The following CACNA1E variants were observed in gnomAD, a reference collection of about 807,000 sequenced individuals.
CACNA1E encodes the protein calcium voltage-gated channel subunit alpha1 E.
In CACNA1E, 40 loss-of-function variants were observed where a neutral mutation model predicts 259.2. The ratio of observed to expected loss-of-function variants is 0.15; its 90% CI spans 0.12 to 0.20. CACNA1E has a LOEUF of 0.20. Ranked by LOEUF, CACNA1E falls within the 10% of genes least tolerant of loss-of-function variation. The pLI is 1.00. For synonymous variants in CACNA1E, 1,104 were observed against 1,138.5 expected (o/e 0.97, Z 0.61); for missense variants, 1,874 against 3,040.1 (o/e 0.62, Z 9.02).
intron 35 of CACNA1E, among the ~76,000 whole-genome samples, chr1:181,768,800 A>G (rs1659241091): frequency 6.6e-6 from 1 of 152,236 alleles, no homozygotes; most frequent in Non-Finnish European, 1.5e-5. Context: ...ACCAAGCACA[A>G]AGCAGACACC....
intron 1 of CACNA1E, among the ~76,000 whole-genome samples, chr1:181,484,930 C>T (rs1032402636): frequency 2.0e-5 from 3 of 152,224 alleles, no homozygotes; most frequent in African/African-American, 7.2e-5. Context: ...TCAGGGTGAA[C>T]AGGCATGGAA....
chr1:181,561,195 G>A (rs542802913), intron 3 of CACNA1E, among the ~76,000 whole-genome samples: 37 of 152,182 alleles, frequency 2.4e-4, no homozygotes, highest in Middle Eastern at 3.4e-3. Flanking sequence ...ACTTAATGCC[G>A]CAGAACTCTA....
chr1:181,687,705 G>C (rs180756868), intron 7 of CACNA1E, among the ~76,000 whole-genome samples: 4 of 152,100 alleles, frequency 2.6e-5, no homozygotes, highest in African/African-American at 9.7e-5. Context: ...TAGGGTCATT[G>C]TATTCATCTA....
intron 7 of CACNA1E, among the ~76,000 whole-genome samples, chr1:181,692,997 G>A (rs1407846049): frequency 6.6e-6 from 1 of 151,764 alleles, no homozygotes; most frequent in African/African-American, 2.4e-5. Flanking sequence ...GACATGAAAA[G>A]CACTTTTTAA....
In CACNA1E at chr1:181,343,301, G is replaced by A. The variant is rs1007357618; in HGVS notation, c.-15+25178G>A. On this transcript the variant is annotated intron_variant, in intron 1 of 11. Transcript: ENST00000524607. ...ATGTTGCCATGTGACCTCCGGTGCT[G>A]GAGGTGGGCGTAGGGGGAGATGTTT... 4.1e-4 allele frequency among the ~76,000 whole-genome samples: 63 copies of A among 152,150 alleles called. 2 individuals are homozygous for A. Among genetic ancestry groups the A allele is most frequent in the African/African-American group, 1.4e-3 (59 of 41,424 alleles).
Position 181,634,418 on chromosome 1 carries a change from G to A in CACNA1E, c.952-16920G>A, listed in dbSNP as rs560359437. On this transcript the variant is annotated intron_variant, in intron 6 of 47. Transcript: ENST00000367573. Reference sequence around the variant, plus strand: ...TCTCAAGAGGCAAGAGAGAAAGCGAGACTGTCTTCCATGCAGTTTGCTCAG... The same window carrying A: ...TCTCAAGAGGCAAGAGAGAAAGCGAAACTGTCTTCCATGCAGTTTGCTCAG... 4.6e-5 allele frequency among the ~76,000 whole-genome samples: 7 copies of A among 152,296 alleles called. No individual in the cohort carries two copies. The East Asian group carries it at 9.6e-4, about 21-fold the overall frequency.
At chr1:181,676,154 A>G (rs936199320) in intron 7 of CACNA1E, among the ~76,000 whole-genome samples, 1 of 152,236 alleles carries the variant, frequency 6.6e-6, no homozygotes, top group Non-Finnish European at 1.5e-5. Context: ...CTTATACAAA[A>G]GAAGGAAGCA....
Position 181,805,251 on chromosome 1 carries a change from C to T in CACNA1E, c.*6417C>T, listed in dbSNP as rs892475757. 1.1e-4 allele frequency: 17 copies of T among 152,288 alleles called. No individual in the cohort carries two copies. The highest frequency in any genetic ancestry group is 4.1e-4 in the African/African-American group (17 of 41,556). 9.4% of individuals were successfully genotyped at this position (152,288 alleles called of 1,614,324 possible). A position where few individuals can be genotyped will look rare whatever the true frequency, so the allele number is the denominator to read the frequency against. ...AATGAAATAATCAAATATACCAAATCCGAATTTGACTTTATTTGATGACTC... is the reference window on the plus strand; with the variant it reads ...AATGAAATAATCAAATATACCAAATTCGAATTTGACTTTATTTGATGACTC... On this transcript the variant is annotated 3_prime_UTR_variant, in exon 48 of 48. Coordinates refer to ENST00000367573, the MANE Select transcript of CACNA1E (RefSeq NM_001205293.3).
At chr1:181,577,495 ATGT>A (rs1651091212) in intron 3 of CACNA1E, among the ~76,000 whole-genome samples, 1 of 152,188 alleles carries the variant, frequency 6.6e-6, no homozygotes, top group African/African-American at 2.4e-5. Context: ...AATGGGACAG[ATGT>A]TGTGGCCCTT....
At chr1:181,332,472 G>A (rs1458348010) in intron 1 of CACNA1E, among the ~76,000 whole-genome samples, 1 of 152,208 alleles carries the variant, frequency 6.6e-6, no homozygotes, top group Non-Finnish European at 1.5e-5. Flanking sequence ...GGCTTGTTAA[G>A]TGTGTATAAT....
At chr1:181,494,347 C>G (rs756012345) in intron 1 of CACNA1E, among the ~76,000 whole-genome samples, 1 of 150,028 alleles carries the variant, frequency 6.7e-6, no homozygotes, top group South Asian at 2.1e-4. Flanking sequence ...AGTGGCATTC[C>G]GTTTCTGACT....
In CACNA1E at chr1:181,798,173, G is replaced by C. The variant is rs1661973276; in HGVS notation, c.6400-119G>C. ...CCTGAGTGGATGTGAATACTACAGG[G>C]AGCTCCAGCTCAGGCCTCTCCCTGA... is the stretch of plus-strand genomic sequence containing the variant. On this transcript the variant is annotated intron_variant, in intron 47 of 47. Transcript: ENST00000367573. This position sits in a 1 kb window ranked among gnomAD's most constrained non-coding sequence, Gnocchi z 4.2. 1 of 768,728 alleles carries C rather than the reference G, an allele frequency of 1.3e-6. No individual in the cohort carries two copies. Among genetic ancestry groups the C allele is most frequent in the Non-Finnish European group, 2.1e-6 (1 of 466,222 alleles). 47.6% of individuals were successfully genotyped at this position (768,728 alleles called of 1,614,324 possible).
chr1:181,546,082 C>A (rs1433126464), intron 3 of CACNA1E, among the ~76,000 whole-genome samples: 1 of 151,944 alleles, frequency 6.6e-6, no homozygotes, highest in African/African-American at 2.4e-5. Flanking sequence ...GAAGCTGCCC[C>A]GACAGTCTTG....
chr1:181,542,732 C>T lies in CACNA1E; in HGVS notation c.512+31222C>T, dbSNP rs148058437. On this transcript the variant is annotated intron_variant, in intron 3 of 47. Coordinates refer to ENST00000367573, the MANE Select transcript of CACNA1E (RefSeq NM_001205293.3). The stretch of plus-strand genomic sequence containing the variant: ...CTTTCCCTTATAAATTACCCAGTCC[C>T]GAGCAGTTCTTTATAGCAGTATGAA... Among the ~76,000 whole-genome samples the T allele has an allele frequency of 6.0e-3, 915 of 151,866 alleles. 10 individuals are homozygous for T. The highest frequency in any genetic ancestry group is 8.4e-3 in the Non-Finnish European group (571 of 67,960).
At chr1:181,629,643 A>G (rs928689374) in intron 6 of CACNA1E, among the ~76,000 whole-genome samples, 1 of 152,106 alleles carries the variant, frequency 6.6e-6, no homozygotes, top group Non-Finnish European at 1.5e-5. Context: ...CACGTGAAAA[A>G]AATTCTAATA....
At chr1:181,750,384 T>A (rs1657485084) in intron 25 of CACNA1E, 92 bp from the exon 26 acceptor site, 1 of 1,110,428 alleles carries the variant, frequency 9.0e-7, no homozygotes, top group Non-Finnish European at 1.3e-6. Flanking sequence ...CCCTGAAGTG[T>A]TCTGACTGTC....
At chr1:181,767,156 C>A (rs1659090631) in intron 35 of CACNA1E, among the ~76,000 whole-genome samples, 1 of 152,182 alleles carries the variant, frequency 6.6e-6, no homozygotes, top group Non-Finnish European at 1.5e-5. Flanking sequence ...TTCCTGGCAG[C>A]CCGTTCATTC....
intron 1 of CACNA1E, among the ~76,000 whole-genome samples, chr1:181,330,785 T>C (rs1202822692): frequency 6.6e-6 from 1 of 152,228 alleles, no homozygotes; most frequent in Non-Finnish European, 1.5e-5. Context: ...AATTATTAGC[T>C]AAGTGGCTCC....
chr1:181,364,814 C>G (rs1654146858), intron 1 of CACNA1E, among the ~76,000 whole-genome samples: 1 of 152,108 alleles, frequency 6.6e-6, no homozygotes, highest in African/African-American at 2.4e-5. Flanking sequence ...TGCTTTGGAT[C>G]CTCTTGGGCT....
Sources: gnomAD v4.1 joint callset for allele counts (sites outside exome capture counted in the v4.1 genomes callset) on GRCh38, gnomAD v4.1.1 for gene constraint, Gnocchi (gnomAD v3.1) non-coding constraint, MANE v1.5 for transcripts, NCBI Gene and HGNC (gene_info 2026-07-23, HGNC 2026-07-21) for gene names.